The following BOC variants were observed in gnomAD, a reference collection of about 807,000 sequenced individuals.
BOC encodes brother of CDO.
BOC carries 76 observed loss-of-function variants against 112.0 expected under a neutral mutation model. The observed-to-expected ratio is 0.68, with a 90% confidence interval of 0.56 to 0.82. The LOEUF (loss-of-function observed/expected upper bound fraction) is 0.82. BOC is among the 40% of genes least tolerant of loss of function. BOC has a pLI of 0.00. For missense variants in BOC, 1,309 were observed against 1,511.7 expected, an observed-to-expected ratio of 0.87 and a Z score of 2.22; for synonymous variants, 580 against 599.8, an observed-to-expected ratio of 0.97 and a Z score of 0.48.
At chr3:113,212,154 G>C (rs1321914535) in intron 1 of BOC, 138 bp downstream of exon 1, 1 of 150,950 alleles carries the variant, frequency 6.6e-6, no homozygotes, top group Non-Finnish European at 1.5e-5. Flanking sequence ...TGCCGGCGGC[G>C]GGAGCCGGGT....
At chr3:113,256,757 G>GTA (rs1946268114) in intron 4 of BOC, among the ~76,000 whole-genome samples, 2 of 149,198 alleles carry the variant, frequency 1.3e-5, no homozygotes, top group Admixed American at 6.6e-5. Context: ...ATACATATAT[G>GTA]TGTGTGTGTG....
At position 113,278,858 on chromosome 3, in the gene BOC, TG is replaced by T; in HGVS notation, c.1816+79del. 1.5e-6 allele frequency: 2 copies of T among 1,301,232 alleles called. No individual in the cohort carries two copies. Among genetic ancestry groups the T allele is most frequent in the African/African-American group, 1.5e-5 (1 of 67,692 alleles). The allele number at this position is 1,301,232 out of a possible 1,614,324, so 80.6% of individuals were successfully genotyped here. A position where few individuals can be genotyped will look rare whatever the true frequency, so the allele number is the denominator to read the frequency against. On this transcript the variant is annotated intron_variant, in intron 11 of 19. Coordinates refer to ENST00000682979, the MANE Select transcript of BOC (RefSeq NM_001378074.1). This position sits in a 1 kb window ranked among gnomAD's most constrained non-coding sequence, Gnocchi z 4.2. The stretch of plus-strand genomic sequence containing the variant: ...TCAGAGGCCTGTTCCCATGGCTGAA[TG>T]GGGTCTTGCTTCTGTAGGTCCAGGG...
rs373320440 is a variant in BOC at position 113,274,480 on chromosome 3, C to T, written c.1340C>T (p.Ala447Val). 2.7e-5 allele frequency: 43 copies of T among 1,611,570 alleles called. No homozygotes were observed. The highest frequency in any genetic ancestry group is 5.3e-5 in the African/African-American group (4 of 74,874). Residue 447 changes from alanine to valine, a missense_variant, in exon 9 of 20, where the codon GCG becomes GTG. Ala to Val is a moderately conservative substitution (Grantham distance 64, BLOSUM62 0). Coordinates refer to ENST00000682979, the MANE Select transcript of BOC (RefSeq NM_001378074.1). The surrounding 1 kb of genome is among the most constrained non-coding windows in gnomAD (Gnocchi z 4.8). ...NPEQMLRGQP[A>V]LPRPPTSVGP... is the part of the protein sequence containing the mutation. ...GAGCAGATGCTGAGGGGGCAACCGG[C>T]GCTCCCCAGACCCCCAACGTCAGTG...
intron 2 of BOC, among the ~76,000 whole-genome samples, chr3:113,244,989 C>G (rs1307333434): frequency 2.0e-5 from 3 of 152,148 alleles, no homozygotes; most frequent in Non-Finnish European, 4.4e-5. Flanking sequence ...CCCAAAGTCT[C>G]CCTTCTGAAT....
chr3:113,247,874 T>C (rs4682478), intron 2 of BOC, among the ~76,000 whole-genome samples: 30,014 of 152,106 alleles, frequency 0.2, 3,793 homozygotes, highest in East Asian at 0.46. Flanking sequence ...AAAAGCTCTC[T>C]CTCTACACCA....
In BOC at chr3:113,279,501, C is replaced by T. The variant is rs566397273; in HGVS notation, c.2023+46C>T. Reference sequence around the variant, plus strand: ...TGGCCTTGGCCTGATCCCCCAGCTGCCCCTTTCCGCCTGGAGGAGGATGAC... The same window carrying T: ...TGGCCTTGGCCTGATCCCCCAGCTGTCCCTTTCCGCCTGGAGGAGGATGAC... On this transcript the variant is annotated intron_variant, in intron 12 of 19. Transcript: ENST00000682979. 65 of 1,567,100 alleles carry T rather than the reference C, an allele frequency of 4.1e-5. 1 individual carries two copies. In the South Asian group the frequency reaches 6.4e-4, roughly 16 times the overall value.
rs1276838875 is a variant in BOC, at chr3:113,285,358, C to T, written c.2967-14C>T. The T allele has an allele frequency of 2.5e-6, 4 of 1,612,028 alleles. No individual in the cohort carries two copies. The highest frequency in any genetic ancestry group is 3.4e-6 in the Non-Finnish European group (4 of 1,179,632). ...GCCCAGCCCCACCTCCCCATCTGGG[C>T]TTGTGCACTGCAGGGGTCCCAAGTC... On this transcript the variant is annotated splice_polypyrimidine_tract_variant and intron_variant, in intron 18 of 19. Coordinates refer to ENST00000682979, the MANE Select transcript of BOC (RefSeq NM_001378074.1).
intron 4 of BOC, among the ~76,000 whole-genome samples, chr3:113,267,790 C>G (rs532204407): frequency 6.6e-6 from 1 of 152,178 alleles, no homozygotes; most frequent in Non-Finnish European, 1.5e-5. Context: ...TGCAGTGGCG[C>G]GATCTCGGCT....
intron 4 of BOC, among the ~76,000 whole-genome samples, chr3:113,255,263 A>G (rs1946108829): frequency 6.6e-6 from 1 of 152,038 alleles, no homozygotes; most frequent in South Asian, 2.1e-4. Context: ...CGCTCTACAC[A>G]GCTCAGCTGT....
chr3:113,226,645 TG>T (rs1005375373), intron 2 of BOC, among the ~76,000 whole-genome samples: 1 of 152,120 alleles, frequency 6.6e-6, no homozygotes, highest in African/African-American at 2.4e-5. Context: ...TTAATCTGGA[TG>T]GGGGAAAGGT....
At chr3:113,236,407 C>T (rs116425520) in intron 2 of BOC, among the ~76,000 whole-genome samples, 4,698 of 134,110 alleles carry the variant, frequency 0.035, 141 homozygotes, top group East Asian at 0.089. Context: ...AGCAAAGTAA[C>T]TCAGAAACAA....
chr3:113,284,793 C>T lies in BOC; in HGVS notation c.2901C>T (p.Thr967=), dbSNP rs1949520372. The T allele has an allele frequency of 1.2e-6, 2 of 1,614,078 alleles. No homozygotes were observed. The highest frequency in any genetic ancestry group is 8.5e-7 in the Non-Finnish European group (1 of 1,180,012). The change falls in exon 18 of 20, where the codon ACC becomes ACT. Residue 967 remains threonine (T), a synonymous_variant. Coordinates refer to ENST00000682979, the MANE Select transcript of BOC (RefSeq NM_001378074.1). ...CPGELQQQSD[T]SSLLRQTHLG... ...TTCCTTTTGAGCAGCAGAGTGACAC[C>T]AGCAGCCTGCTGAGGCAGACCCATC...
intron 13 of BOC, 80 bp downstream of exon 13, chr3:113,280,085 C>T (rs545344266): frequency 1.0e-5 from 14 of 1,400,948 alleles, no homozygotes; most frequent in African/African-American, 4.3e-5. Flanking sequence ...GGATTAGACT[C>T]CCCCGAACAG....
chr3:113,258,399 A>G (rs879618910), intron 4 of BOC, among the ~76,000 whole-genome samples: 1 of 151,890 alleles, frequency 6.6e-6, no homozygotes, highest in Non-Finnish European at 1.5e-5. Flanking sequence ...CCATTTCTTA[A>G]CTGTTTCTCA....
chr3:113,280,046 C>T (rs1159034515), intron 13 of BOC, 41 bp downstream of exon 13: 8 of 1,542,898 alleles, frequency 5.2e-6, no homozygotes, highest in Non-Finnish European at 7.0e-6. Flanking sequence ...AAGACGGCCT[C>T]CCCTAAATGC....
At chr3:113,224,662 G>A (rs1234599555) in intron 2 of BOC, among the ~76,000 whole-genome samples, 1 of 152,114 alleles carries the variant, frequency 6.6e-6, no homozygotes, top group Admixed American at 6.5e-5. Flanking sequence ...GAGGAGCAGG[G>A]ACTTAAATTT....
intron 4 of BOC, among the ~76,000 whole-genome samples, chr3:113,255,832 C>T (rs1466368196): frequency 2.0e-5 from 3 of 152,172 alleles, no homozygotes; most frequent in Non-Finnish European, 4.4e-5. Context: ...ACCAGGGGCC[C>T]TTTGTTACCA....
At chr3:113,257,351 C>T (rs1229821993) in intron 4 of BOC, among the ~76,000 whole-genome samples, 1 of 152,164 alleles carries the variant, frequency 6.6e-6, no homozygotes, top group Non-Finnish European at 1.5e-5. Flanking sequence ...TGCCCCAGCC[C>T]CTACCAGAGA....
chr3:113,250,272 C>CA (rs1945451384), intron 3 of BOC, among the ~76,000 whole-genome samples: 1 of 152,192 alleles, frequency 6.6e-6, no homozygotes, highest in South Asian at 2.1e-4. Context: ...GGACACTTCA[C>CA]AAGGCTAGAG....
Sources: allele counts gnomAD v4.1 joint callset (sites outside exome capture counted in the v4.1 genomes callset), GRCh38; gene constraint gnomAD v4.1.1; non-coding constraint Gnocchi (gnomAD v3.1); transcripts MANE v1.5; gene names NCBI Gene and HGNC (gene_info 2026-07-23, HGNC 2026-07-21).